Variants in WDR64 observed in about 807,000 individuals in gnomAD.
WDR64 encodes WD repeat-containing protein 64.
Under a neutral mutation model 139.3 loss-of-function variants are expected in WDR64, and 112 were observed. The observed-to-expected ratio is 0.80, with a 90% CI of 0.69 to 0.94. WDR64 has a LOEUF of 0.94. WDR64 is among the 40% of genes least tolerant of loss of function. The pLI, the probability that WDR64 is intolerant of heterozygous loss-of-function variation, is 0.00. For missense variants in WDR64, 1,206 were observed against 1,293.1 expected, an observed-to-expected ratio of 0.93 and a Z score of 1.03; for synonymous variants, 444 against 437.7, an observed-to-expected ratio of 1.01 and a Z score of -0.18.
chr1:241,711,652 C>G (rs548632838), intron 8 of WDR64, 150 bp from the exon 9 acceptor site: 2 of 690,816 alleles, frequency 2.9e-6, no homozygotes, highest in Non-Finnish European at 4.9e-6. Flanking sequence ...CTGTTAATTA[C>G]GACTTAATCA....
At chr1:241,685,363 A>G (rs538803794) in intron 7 of WDR64, among the ~76,000 whole-genome samples, 21 of 151,658 alleles carry the variant, frequency 1.4e-4, no homozygotes, top group Non-Finnish European at 2.1e-4. Context: ...CTTTCAACAG[A>G]TGAATTTGGG....
chr1:241,792,684 G>A (rs1659244171), intron 25 of WDR64, among the ~76,000 whole-genome samples: 1 of 152,192 alleles, frequency 6.6e-6, no homozygotes, highest in African/African-American at 2.4e-5. Flanking sequence ...TGGCAGAGGA[G>A]GACTCCATAG....
At chr1:241,752,292 C>A (rs1670008994) in intron 14 of WDR64, among the ~76,000 whole-genome samples, 1 of 152,150 alleles carries the variant, frequency 6.6e-6, no homozygotes, top group African/African-American at 2.4e-5. Context: ...GGTAACTTTT[C>A]ACAAAGCTAC....
At chr1:241,685,452 TTC>T (rs1426431559) in intron 7 of WDR64, among the ~76,000 whole-genome samples, 1 of 152,012 alleles carries the variant, frequency 6.6e-6, no homozygotes, top group African/African-American at 2.4e-5. Flanking sequence ...GTGTGTGTAT[TTC>T]TACTTAGAAA....
chr1:241,701,891 T>C (rs1021896559), intron 8 of WDR64, among the ~76,000 whole-genome samples: 2 of 152,226 alleles, frequency 1.3e-5, no homozygotes, highest in Non-Finnish European at 2.9e-5. Flanking sequence ...GAATCTTAAG[T>C]TGAGCCAGAT....
chr1:241,726,508 T>G (rs116579449), intron 10 of WDR64, among the ~76,000 whole-genome samples: 2,032 of 152,242 alleles, frequency 0.013, 51 homozygotes, highest in African/African-American at 0.046. Flanking sequence ...TAGATTACAC[T>G]TCAATATTGC....
chr1:241,668,247 C>G (rs984820337), intron 2 of WDR64, among the ~76,000 whole-genome samples: 1 of 152,174 alleles, frequency 6.6e-6, no homozygotes, highest in African/African-American at 2.4e-5. Flanking sequence ...CGGCAGCTCA[C>G]GCCTGTAATC....
intron 27 of WDR64, among the ~76,000 whole-genome samples, chr1:241,798,181 G>C (rs932272391): frequency 6.6e-6 from 1 of 152,112 alleles, no homozygotes; most frequent in Non-Finnish European, 1.5e-5. Flanking sequence ...CTGATGTTCT[G>C]ACAAATCCTT....
intron 8 of WDR64, among the ~76,000 whole-genome samples, chr1:241,696,160 C>T (rs973806456): frequency 5.1e-5 from 6 of 118,636 alleles, no homozygotes; most frequent in African/African-American, 2.0e-4. Flanking sequence ...CTGAATAACA[C>T]TGATAAGACC....
chr1:241,746,011 T>C (rs996237728), intron 13 of WDR64, among the ~76,000 whole-genome samples: 2 of 152,184 alleles, frequency 1.3e-5, no homozygotes, highest in African/African-American at 4.8e-5. Context: ...TTTTAATTGT[T>C]TGTGTGACTG....
rs1013244159 is a variant in WDR64 at position 241,703,465 on chromosome 1, T to C, written c.975-8337T>C. Among the ~76,000 whole-genome samples the C allele has an allele frequency of 6.6e-6, 1 of 151,834 alleles. No individual in the cohort carries two copies. Among genetic ancestry groups the C allele is most frequent in the South Asian group, 2.1e-4 (1 of 4,814 alleles). On this transcript the variant is annotated intron_variant, in intron 8 of 27. Transcript: ENST00000437684. This position sits in a 1 kb window ranked among gnomAD's most constrained non-coding sequence, Gnocchi z 5.9. ...ATAGGGGACTCTATCAAAAAGTTTTTTTTTTTTTTCTGTTTTGAAGAAACT... is the reference window on the plus strand; with the variant it reads ...ATAGGGGACTCTATCAAAAAGTTTTCTTTTTTTTTCTGTTTTGAAGAAACT...
chr1:241,680,677 C>A (rs1406230186), intron 6 of WDR64, among the ~76,000 whole-genome samples: 1 of 152,172 alleles, frequency 6.6e-6, no homozygotes. Context: ...GATCTTTGTC[C>A]TTCAACCTGG....
intron 9 of WDR64, among the ~76,000 whole-genome samples, chr1:241,715,896 A>C (rs562200059): frequency 6.6e-6 from 1 of 152,134 alleles, no homozygotes; most frequent in East Asian, 1.9e-4. Context: ...ACTCTCATTA[A>C]CCTCAGTGTT....
intron 10 of WDR64, among the ~76,000 whole-genome samples, chr1:241,734,414 G>T (rs1051330223): frequency 5.3e-5 from 8 of 152,048 alleles, no homozygotes; most frequent in African/African-American, 1.7e-4. Context: ...AGATATTTGG[G>T]CTTCACAAAT....
chr1:241,695,773 C>T (rs1667459537), intron 8 of WDR64, among the ~76,000 whole-genome samples: 1 of 152,014 alleles, frequency 6.6e-6, no homozygotes, highest in African/African-American at 2.4e-5. Flanking sequence ...TATACTGGTG[C>T]ATTTAATTGC....
chr1:241,690,495 G>A (rs1362027202), intron 8 of WDR64, among the ~76,000 whole-genome samples: 1 of 151,708 alleles, frequency 6.6e-6, no homozygotes, highest in African/African-American at 2.4e-5. Context: ...CTTGAAATGA[G>A]CCAGAGGGGA....
intron 2 of WDR64, 102 bp downstream of exon 2, chr1:241,660,762 C>A: frequency 7.7e-7 from 1 of 1,292,972 alleles, no homozygotes; most frequent in Non-Finnish European, 1.1e-6. Context: ...GGTTGAACCA[C>A]AACGTGCATG....
In WDR64 at chr1:241,749,697, G is replaced by A. The variant is rs1669907622; in HGVS notation, c.1745G>A (p.Arg582His). 2 of 1,613,988 alleles carry A rather than the reference G, an allele frequency of 1.2e-6. No homozygotes were observed. Among genetic ancestry groups the A allele is most frequent in the Admixed American group, 1.7e-5 (1 of 59,990 alleles). Reference sequence around the variant, plus strand: ...CAGCAGCTGGTCCTGGCCTTGGAGCGCAACGGGACTATCAAAATGATCCAG... The same window carrying A: ...CAGCAGCTGGTCCTGGCCTTGGAGCACAACGGGACTATCAAAATGATCCAG... ...KHQQLVLALERNGTIKMIQGK... is the reference protein window; with the variant it reads ...KHQQLVLALEHNGTIKMIQGK... The change falls in exon 14 of 28, where the codon CGC becomes CAC. Residue 582 changes from arginine to histidine, a missense_variant. By Grantham distance (29) the Arg-to-His change is conservative. Transcript: ENST00000437684.
intron 12 of WDR64, 95 bp downstream of exon 12, chr1:241,741,759 G>A: frequency 7.8e-7 from 1 of 1,275,232 alleles, no homozygotes; most frequent in Non-Finnish European, 1.0e-6. Flanking sequence ...AGCAAATGTA[G>A]CGGCACATAC....
Sources: gnomAD v4.1 joint callset for allele counts (sites outside exome capture counted in the v4.1 genomes callset) on GRCh38, gnomAD v4.1.1 for gene constraint, Gnocchi (gnomAD v3.1) non-coding constraint, MANE v1.5 for transcripts, NCBI Gene and HGNC (gene_info 2026-07-23, HGNC 2026-07-21) for gene names.